ESYT1: variants seen among roughly 807,000 people sequenced by gnomAD.
ESYT1 encodes the protein extended synaptotagmin-1.
A neutral mutation model predicts 154.2 loss-of-function variants in ESYT1; 116 were observed. The ratio of observed to expected loss-of-function variants is 0.75; its 90% CI spans 0.65 to 0.88. The LOEUF (loss-of-function observed/expected upper bound fraction) is 0.88, where lower values mean the gene tolerates loss of function less well. Ranked by LOEUF, ESYT1 falls within the 40% of genes least tolerant of loss-of-function variation. The pLI, the probability that ESYT1 is intolerant of heterozygous loss-of-function variation, is 0.00. For synonymous variants in ESYT1, 500 were observed against 539.9 expected, an observed-to-expected ratio of 0.93 and a Z score of 1.02; for missense variants, 1,264 against 1,379.3, an observed-to-expected ratio of 0.92 and a Z score of 1.32.
In ESYT1 at chr12:56,142,470, G is replaced by A. The variant is rs369281012; in HGVS notation, c.2733+45G>A. On this transcript the variant is annotated intron_variant, in intron 25 of 30. Coordinates refer to ENST00000394048, the MANE Select transcript of ESYT1 (RefSeq NM_015292.3). This position sits in a 1 kb window ranked among gnomAD's most constrained non-coding sequence, Gnocchi z 4.1. ...GGGCAGGATGAGAGGGAGGAGGGGA[G>A]GGCCTTCACAGGTGAGGGACACCCA... 8.7e-6 allele frequency: 14 copies of A among 1,606,974 alleles called. No individual in the cohort carries two copies. The highest frequency in any genetic ancestry group is 3.3e-5 in the Admixed American group (2 of 59,718).
At chr12:56,139,158 G>T in intron 24 of ESYT1, 145 bp downstream of exon 24, 2 of 636,652 alleles carry the variant, frequency 3.1e-6, no homozygotes. Context: ...GCCCAGGCTG[G>T]AGTGCAGTGG....
In ESYT1 at chr12:56,142,402, G is replaced by C; in HGVS notation, c.2710G>C (p.Val904Leu). 2 of 1,613,742 alleles carry C rather than the reference G, an allele frequency of 1.2e-6. No homozygotes were observed. Among genetic ancestry groups the C allele is most frequent in the Non-Finnish European group, 1.7e-6 (2 of 1,179,786 alleles). The change falls in exon 25 of 31, where the codon GTG becomes CTG. Residue 904 changes from valine to leucine, a missense_variant. Transcript: ENST00000394048. The surrounding 1 kb of genome is among the most constrained non-coding windows in gnomAD (Gnocchi z 4.1). Reference sequence around the variant, plus strand: ...TACACTCAGCAGTGGTCAGGGGCAGGTGCTACTGAGAGCACAGCTAGGGGT... The same window carrying C: ...TACACTCAGCAGTGGTCAGGGGCAGCTGCTACTGAGAGCACAGCTAGGGGT... ...WFTLSSGQGQVLLRAQLGILV... is the reference protein window; with the variant it reads ...WFTLSSGQGQLLLRAQLGILV...
At position 56,144,239 on chromosome 12, in the gene ESYT1, C is replaced by T. The variant is rs1592251649; in HGVS notation, c.*377C>T. ...TTTGGAAGGATCTTTTTTTCTTTAA[C>T]TAGATGGTCACCTTCTTCCCTACCA... On this transcript the variant is annotated 3_prime_UTR_variant, in exon 31 of 31. Coordinates refer to ENST00000394048, the MANE Select transcript of ESYT1 (RefSeq NM_015292.3). The T allele has an allele frequency of 1.8e-6, 2 of 1,109,410 alleles. No homozygotes were observed. 68.7% of individuals were successfully genotyped at this position (1,109,410 alleles called of 1,614,324 possible). A position where few individuals can be genotyped will look rare whatever the true frequency, so the allele number is the denominator to read the frequency against.
In ESYT1 at chr12:56,142,942, C is replaced by A. The variant is rs1453776227; in HGVS notation, c.2987+9C>A. 2 of 1,614,118 alleles carry A rather than the reference C, an allele frequency of 1.2e-6. No individual in the cohort carries two copies. The highest frequency in any genetic ancestry group is 8.5e-7 in the Non-Finnish European group (1 of 1,180,016). On this transcript the variant is annotated intron_variant, in intron 27 of 30. Coordinates refer to ENST00000394048, the MANE Select transcript of ESYT1 (RefSeq NM_015292.3). The surrounding 1 kb of genome is among the most constrained non-coding windows in gnomAD (Gnocchi z 4.1). ...ATTGTTCATGGTTGCCGGTGAGACCCCATCCCTCCTGTCCTCCAGATCGCC... is the reference window on the plus strand; with the variant it reads ...ATTGTTCATGGTTGCCGGTGAGACCACATCCCTCCTGTCCTCCAGATCGCC...
chr12:56,137,324 C>T lies in ESYT1; in HGVS notation c.1889C>T (p.Ala630Val). 1.2e-6 allele frequency: 2 copies of T among 1,614,218 alleles called. No homozygotes were observed. Among genetic ancestry groups the T allele is most frequent in the Non-Finnish European group, 1.7e-6 (2 of 1,180,038 alleles). Residue 630 changes from alanine (A) to valine (V), a missense_variant, in exon 17 of 31, where the codon GCC becomes GTC. Transcript: ENST00000394048. Reference sequence around the variant, plus strand: ...CCCCAGAGAGGCAGCAGTGTGGATGCCCCACCTCGACCCTGTCACACGACT... The same window carrying T: ...CCCCAGAGAGGCAGCAGTGTGGATGTCCCACCTCGACCCTGTCACACGACT... ...ENPQRGSSVD[A>V]PPRPCHTTPD...
chr12:56,134,146 C>T lies in ESYT1; in HGVS notation c.1510C>T (p.Gln504Ter). 3 of 1,614,128 alleles carry T rather than the reference C, an allele frequency of 1.9e-6. No individual in the cohort carries two copies. Among genetic ancestry groups the T allele is most frequent in the Non-Finnish European group, 2.5e-6 (3 of 1,180,014 alleles). Residue 504 changes from glutamine (Q) to a stop codon, truncating the protein, a stop_gained, in exon 14 of 31, where the codon CAA becomes TAA. Coordinates refer to ENST00000394048, the MANE Select transcript of ESYT1 (RefSeq NM_015292.3). LOFTEE classifies it high-confidence loss of function. ...KGNKEPNPMV[Q>*]LSIQDVTQES... Reference sequence around the variant, plus strand: ...GAACAAGGAACCCAACCCTATGGTACAACTGTCAATTCAGGATGTGACTCA... The same window carrying T: ...GAACAAGGAACCCAACCCTATGGTATAACTGTCAATTCAGGATGTGACTCA...
chr12:56,131,891 G>C, intron 7 of ESYT1, 87 bp downstream of exon 7: 2 of 1,354,406 alleles, frequency 1.5e-6, no homozygotes, highest in East Asian at 2.3e-5. Flanking sequence ...GATGCTGCTT[G>C]TGTCCTCTAG....
rs377062576 is a variant in ESYT1, at chr12:56,137,247, C to T, written c.1812C>T (p.Cys604=). ...RILYLDSSEI[C]FPTVPGCPGA... is the part of the protein sequence containing the mutation. ...TGTACTTGGATTCATCAGAAATATGCTTCCCCACGGTGCCTGGTTGTCCTG... is the reference window on the plus strand; with the variant it reads ...TGTACTTGGATTCATCAGAAATATGTTTCCCCACGGTGCCTGGTTGTCCTG... Residue 604 remains cysteine (C), a synonymous_variant, in exon 17 of 31, where the codon TGC becomes TGT. Transcript: ENST00000394048. The T allele has an allele frequency of 1.2e-6, 2 of 1,614,180 alleles. No homozygotes were observed. The highest frequency in any genetic ancestry group is 1.7e-6 in the Non-Finnish European group (2 of 1,180,018).
At chr12:56,131,849 G>C in intron 7 of ESYT1, 45 bp downstream of exon 7, 1 of 1,600,222 alleles carries the variant, frequency 6.2e-7, no homozygotes, top group Non-Finnish European at 8.6e-7. Context: ...CCAGCGCTGG[G>C]TTGGGGGTTT....
chr12:56,142,672 G>T lies in ESYT1; in HGVS notation c.2828G>T (p.Gly943Val). Residue 943 changes from glycine to valine, a missense_variant, in exon 26 of 31, where the codon GGA (glycine) becomes GTA (valine). By Grantham distance (109) the Gly-to-Val change is moderately radical. Coordinates refer to ENST00000394048, the MANE Select transcript of ESYT1 (RefSeq NM_015292.3). This position sits in a 1 kb window ranked among gnomAD's most constrained non-coding sequence, Gnocchi z 4.1. ...SLSEEPELSG[G>V]PPHITSSAPE... ...AGTGAAGAACCAGAGCTCTCGGGGG[G>T]ACCCCCTCACATCACCTCCTCAGCC... 1.2e-6 allele frequency: 2 copies of T among 1,614,028 alleles called. No homozygotes were observed. The highest frequency in any genetic ancestry group is 2.2e-5 in the East Asian group (1 of 44,876).
intron 6 of ESYT1, 24 bp from the exon 7 acceptor site, chr12:56,131,725 C>CACAACTGTTTGATGGGTA (rs1159349557): frequency 1.2e-6 from 2 of 1,613,902 alleles, no homozygotes; most frequent in Admixed American, 3.3e-5. Flanking sequence ...AGGATCTGTC[C>CACAACTGTTTGATGGGTA]TGACCCCTGC....
intron 1 of ESYT1, 155 bp downstream of exon 1, chr12:56,128,864 C>G (rs1363044014): frequency 1.1e-6 from 1 of 909,244 alleles, no homozygotes; most frequent in Non-Finnish European, 1.6e-6. Context: ...GCCTGCTGGA[C>G]GCGCCACTCT....
rs1870258372 is a variant in ESYT1 at position 56,132,097 on chromosome 12, A to G, written c.861-112A>G. 5.9e-6 allele frequency: 9 copies of G among 1,534,886 alleles called. No individual in the cohort carries two copies. In the East Asian group the frequency reaches 1.8e-4, roughly 31 times the overall value. ...GAAGAGTAGCACAAAGGATTTTCAC[A>G]AAAGGACTTTCTTACAGCTTTAGGT... On this transcript the variant is annotated intron_variant, in intron 7 of 30. Transcript: ENST00000394048.
At position 56,128,605 on chromosome 12, in the gene ESYT1, G is replaced by C. The variant is rs565622890; in HGVS notation, c.286G>C (p.Asp96His). Residue 96 changes from aspartate (D) to histidine (H), a missense_variant, in exon 1 of 31, where the codon GAC becomes CAC. By Grantham distance (81) the Asp-to-His change is moderately conservative (BLOSUM62 -1). Transcript: ENST00000394048. ...ALYLGWRRVR[D>H]EKERSLRAAR... The stretch of plus-strand genomic sequence containing the variant: ...CTACCTGGGCTGGCGCCGGGTCCGC[G>C]ACGAGAAAGAACGGAGCCTTCGAGC... 1.9e-6 allele frequency: 3 copies of C among 1,614,046 alleles called. No homozygotes were observed. In the East Asian group the frequency reaches 6.7e-5, roughly 36 times the overall value.
intron 15 of ESYT1, among the ~76,000 whole-genome samples, chr12:56,135,763 G>C (rs184358640): frequency 1.3e-5 from 2 of 151,584 alleles, no homozygotes; most frequent in South Asian, 2.1e-4. Context: ...ATGGTGGTGC[G>C]TGCCTGTAAT....
chr12:56,141,547 T>A (rs545503844), intron 24 of ESYT1, among the ~76,000 whole-genome samples: 2 of 152,144 alleles, frequency 1.3e-5, no homozygotes, highest in Admixed American at 6.5e-5. Context: ...GAGACCATCC[T>A]GGCTAACACG....
At chr12:56,134,635 G>C (rs1020939448) in intron 15 of ESYT1, among the ~76,000 whole-genome samples, 3 of 148,896 alleles carry the variant, frequency 2.0e-5, no homozygotes, top group Non-Finnish European at 4.4e-5. Context: ...GTCTCGCTCT[G>C]TTGCCCAGGC....
At position 56,132,611 on chromosome 12, in the gene ESYT1, G is replaced by A. The variant is rs374362829; in HGVS notation, c.1161+14G>A. On this transcript the variant is annotated intron_variant, in intron 9 of 30. Coordinates refer to ENST00000394048, the MANE Select transcript of ESYT1 (RefSeq NM_015292.3). ...GAGACTTATGAGGTGGGAGAGTTGA[G>A]CAGCTCTGTGAAATGGGGAAGCCCC... 5 of 1,614,020 alleles carry A rather than the reference G, an allele frequency of 3.1e-6. No homozygotes were observed. The African/African-American group carries it at 5.3e-5, about 17-fold the overall frequency.
chr12:56,132,380 G>A (rs889612442), intron 8 of ESYT1, 41 bp from the exon 9 acceptor site: 3 of 1,614,028 alleles, frequency 1.9e-6, no homozygotes, highest in Non-Finnish European at 2.5e-6. Context: ...GGAACCCCTT[G>A]CTGGGTCCTT....
Sources: allele counts gnomAD v4.1 joint callset (sites outside exome capture counted in the v4.1 genomes callset), GRCh38; gene constraint gnomAD v4.1.1; non-coding constraint Gnocchi (gnomAD v3.1); transcripts MANE v1.5; gene names NCBI Gene and HGNC (gene_info 2026-07-23, HGNC 2026-07-21).